Variants in WTAP observed in about 807,000 individuals in gnomAD.
WTAP encodes pre-mRNA-splicing regulator WTAP.
WTAP carries 8 observed loss-of-function variants against 50.0 expected under a neutral mutation model. The ratio of observed to expected loss-of-function variants is 0.16; its 90% CI spans 0.09 to 0.29. WTAP has a LOEUF of 0.29. Among genes scored for constraint, WTAP ranks in the 10% least tolerant of loss-of-function variants. WTAP has a pLI of 1.00. For synonymous variants in WTAP, 194 were observed against 169.0 expected (o/e 1.15, Z -1.15); for missense variants, 295 against 470.7 (o/e 0.63, Z 3.45).
At position 159,755,783 on chromosome 6, in the gene WTAP, T is replaced by TTTTTTTTTTTTTA. The variant is rs1408563967; in HGVS notation, c.*179_*180insTTTTTATTTTTTT. The TTTTTTTTTTTTTA allele has an allele frequency of 9.6e-7, 1 of 1,036,748 alleles. No homozygotes were observed. The highest frequency in any genetic ancestry group is 1.7e-5 in the African/African-American group (1 of 57,268). The allele number at this position is 1,036,748 out of a possible 1,614,324, so 64.2% of individuals were successfully genotyped here. On this transcript the variant is annotated 3_prime_UTR_variant, in exon 8 of 8. Coordinates refer to ENST00000621533, the MANE Select transcript of WTAP (RefSeq NM_001270531.2). ...TTCTTTTCTTTTTTTTTTTTTTTTTTTTTTTTTGCTTCAATACTTCTGCCG... is the reference window on the plus strand; with the variant it reads ...TTCTTTTCTTTTTTTTTTTTTTTTTTTTTTTTTTTTTTATTTTTTTGCTTCAATACTTCTGCCG...
intron 5 of WTAP, among the ~76,000 whole-genome samples, chr6:159,746,576 A>G (rs947182290): frequency 6.6e-6 from 1 of 152,188 alleles, no homozygotes; most frequent in African/African-American, 2.4e-5. Flanking sequence ...TTTGCCAAGT[A>G]CATCAGTAGT....
At chr6:159,737,770 G>C (rs952695421) in intron 2 of WTAP, among the ~76,000 whole-genome samples, 6 of 152,204 alleles carry the variant, frequency 3.9e-5, no homozygotes, top group Non-Finnish European at 7.3e-5. Context: ...GGAGGCATGA[G>C]CCACAATGCC....
At position 159,755,760 on chromosome 6, in the gene WTAP, C is replaced by CTTTTTTTTTTTTTTTTTTTTTTTTT. The variant is rs1779984995; in HGVS notation, c.*153_*154insTTTTTTTTTTTTTTTTTTTTTTTTT. The CTTTTTTTTTTTTTTTTTTTTTTTTT allele has an allele frequency of 5.3e-5, 15 of 283,678 alleles. No homozygotes were observed. The highest frequency in any genetic ancestry group is 2.7e-4 in the Admixed American group (2 of 7,442). 17.6% of individuals were successfully genotyped at this position (283,678 alleles called of 1,614,324 possible). A position where few individuals can be genotyped will look rare whatever the true frequency, so the allele number is the denominator to read the frequency against. ...TGTTTTTTTTCTTTGTTTTTTTTTT[C>CTTTTTTTTTTTTTTTTTTTTTTTTT]TTTTCTTTTTTTTTTTTTTTTTTTT... is the stretch of plus-strand genomic sequence containing the variant. On this transcript the variant is annotated 3_prime_UTR_variant, in exon 8 of 8. Coordinates refer to ENST00000621533, the MANE Select transcript of WTAP (RefSeq NM_001270531.2).
Position 159,755,187 on chromosome 6 carries a change from C to T in WTAP, c.767C>T (p.Ala256Val), listed in dbSNP as rs750134900. ...ASAPSTSRTTASEPVEQSEAT... is the reference protein window; with the variant it reads ...ASAPSTSRTTVSEPVEQSEAT... ...GCCCCAAGTACCAGCAGGACTACAG[C>T]TTCTGAACCTGTAGAACAGTCAGAG... Residue 256 changes from alanine to valine, a missense_variant, in exon 8 of 8, where the codon GCT becomes GTT. This residue lies in a region of WTAP where 175 missense variants were observed against 183.1 expected (regional missense o/e 0.96). Coordinates refer to ENST00000621533, the MANE Select transcript of WTAP (RefSeq NM_001270531.2). 12 of 1,614,170 alleles carry T rather than the reference C, an allele frequency of 7.4e-6. No homozygotes were observed. Among genetic ancestry groups the T allele is most frequent in the Non-Finnish European group, 1.0e-5 (12 of 1,180,014 alleles).
At position 159,755,828 on chromosome 6, in the gene WTAP, T is replaced by C; in HGVS notation, c.*217T>C. 1.3e-6 allele frequency: 1 copy of C among 776,306 alleles called. No homozygotes were observed. The highest frequency in any genetic ancestry group is 4.0e-5 in the Admixed American group (1 of 25,094). The allele number at this position is 776,306 out of a possible 1,614,324, so 48.1% of individuals were successfully genotyped here. ...CTGCCGCTTTGGAAATTGTAACAGT[T>C]AATTACTTTGAATGTTGCTAAAAGG... On this transcript the variant is annotated 3_prime_UTR_variant, in exon 8 of 8. Transcript: ENST00000621533.
At chr6:159,731,498 G>GT (rs1355577873) in intron 1 of WTAP, among the ~76,000 whole-genome samples, 1 of 152,096 alleles carries the variant, frequency 6.6e-6, no homozygotes, top group African/African-American at 2.4e-5. Flanking sequence ...GAAAATTTAA[G>GT]TAACTTCTGT....
At chr6:159,738,492 A>G (rs1779053283) in intron 2 of WTAP, among the ~76,000 whole-genome samples, 1 of 152,196 alleles carries the variant, frequency 6.6e-6, no homozygotes, top group Non-Finnish European at 1.5e-5. Flanking sequence ...CTGTTAAAGG[A>G]CATTTGGATA....
Position 159,748,745 on chromosome 6 carries a change from T to C in WTAP, c.452+376T>C, listed in dbSNP as rs2114947346. On this transcript the variant is annotated intron_variant, in intron 6 of 7. Coordinates refer to ENST00000621533, the MANE Select transcript of WTAP (RefSeq NM_001270531.2). This position sits in a 1 kb window ranked among gnomAD's most constrained non-coding sequence, Gnocchi z 5.6. Reference sequence around the variant, plus strand: ...TGGCACACTGTGTCTTCAGACAGTTTGAAGGAATGAAAACCTAGAGATTTT... The same window carrying C: ...TGGCACACTGTGTCTTCAGACAGTTCGAAGGAATGAAAACCTAGAGATTTT... 8.1e-7 allele frequency: 1 copy of C among 1,236,644 alleles called. No homozygotes were observed. Among genetic ancestry groups the C allele is most frequent in the Non-Finnish European group, 1.0e-6 (1 of 990,670 alleles). 76.6% of individuals were successfully genotyped at this position (1,236,644 alleles called of 1,614,324 possible).
intron 1 of WTAP, 43 bp downstream of exon 1, chr6:159,727,746 C>T: frequency 1.0e-6 from 1 of 984,210 alleles, no homozygotes. Context: ...GGGGGACCTC[C>T]GGGGCCTGAG....
At chr6:159,750,303 G>A (rs1280048084) in intron 6 of WTAP, among the ~76,000 whole-genome samples, 2 of 152,142 alleles carry the variant, frequency 1.3e-5, no homozygotes, top group Non-Finnish European at 2.9e-5. Context: ...TACTCAAATT[G>A]AGCAGGCATC....
At chr6:159,741,979 C>A in intron 3 of WTAP, 109 bp from the exon 4 acceptor site, 1 of 809,438 alleles carries the variant, frequency 1.2e-6, no homozygotes, top group East Asian at 2.9e-5. Context: ...AATGAAAAAT[C>A]CAGAAGAATG....
rs146778772 is a variant in WTAP, at chr6:159,753,688, T to C, written c.607+74T>C. On this transcript the variant is annotated intron_variant, in intron 7 of 7. Transcript: ENST00000621533. ...TTTTTAAAACTGCCAGTCATGAATA[T>C]TATAGGTTAGATTCTGTACATTGTT... 4.2e-4 allele frequency: 636 copies of C among 1,508,944 alleles called. 1 individual carries two copies. Among genetic ancestry groups the C allele is most frequent in the Non-Finnish European group, 4.1e-4 (457 of 1,120,100 alleles). 93.5% of individuals were successfully genotyped at this position (1,508,944 alleles called of 1,614,324 possible).
At chr6:159,753,401 G>C in intron 6 of WTAP, 59 bp from the exon 7 acceptor site, 1 of 1,610,310 alleles carries the variant, frequency 6.2e-7, no homozygotes, top group Non-Finnish European at 8.5e-7. Flanking sequence ...TGTAATAATT[G>C]TAAGCAAAGA....
chr6:159,743,065 T>A (rs1468032175), intron 4 of WTAP, among the ~76,000 whole-genome samples: 2 of 152,246 alleles, frequency 1.3e-5, no homozygotes, highest in Non-Finnish European at 2.9e-5. Flanking sequence ...TTTGTTTGTT[T>A]GAGACAGGGT....
At chr6:159,743,856 CAT>C (rs1779405392) in intron 5 of WTAP, 64 bp downstream of exon 5, 11 of 1,462,456 alleles carry the variant, frequency 7.5e-6, no homozygotes, top group Admixed American at 7.1e-5. Flanking sequence ...CACATTATTA[CAT>C]GTTAATTTTA....
chr6:159,749,830 C>T (rs1222154312), intron 6 of WTAP, among the ~76,000 whole-genome samples: 2 of 152,170 alleles, frequency 1.3e-5, no homozygotes, highest in Non-Finnish European at 2.9e-5. Flanking sequence ...TTCATGCTTC[C>T]ATCCAATCCT....
chr6:159,747,061 TC>T (rs2114941320), intron 5 of WTAP, among the ~76,000 whole-genome samples: 1 of 152,322 alleles, frequency 6.6e-6, no homozygotes, highest in South Asian at 2.1e-4. Flanking sequence ...ACAAATATAT[TC>T]CCAAACCACT....
At chr6:159,729,618 C>T (rs933249168) in intron 1 of WTAP, among the ~76,000 whole-genome samples, 7 of 152,168 alleles carry the variant, frequency 4.6e-5, no homozygotes, top group Admixed American at 1.3e-4. Flanking sequence ...TTAATATTTG[C>T]AGCACTTTGT....
chr6:159,727,344 C>T (rs573702822), upstream of WTAP: 3 of 1,219,300 alleles, frequency 2.5e-6, no homozygotes, highest in Non-Finnish European at 3.1e-6. Flanking sequence ...GTGAGTGGGC[C>T]AGAAGGCGAA....
Sources: gnomAD v4.1 joint callset for allele counts (sites outside exome capture counted in the v4.1 genomes callset) on GRCh38, gnomAD v4.1.1 for gene constraint, gnomAD v4.1.1 regional missense constraint, Gnocchi (gnomAD v3.1) non-coding constraint, MANE v1.5 for transcripts, NCBI Gene and HGNC (gene_info 2026-07-23, HGNC 2026-07-21) for gene names.